Variants in PLCG2 observed in about 807,000 individuals in gnomAD.
PLCG2 encodes the protein 1-phosphatidylinositol 4,5-bisphosphate phosphodiesterase gamma-2.
A neutral mutation model predicts 175.6 loss-of-function variants in PLCG2; 69 were observed. The observed-to-expected ratio is 0.39, with a 90% CI of 0.32 to 0.48. The LOEUF (loss-of-function observed/expected upper bound fraction) is 0.48. PLCG2 is among the 20% of genes least tolerant of loss of function. PLCG2 has a pLI of 0.91. For missense variants in PLCG2, 1,798 were observed against 1,650.9 expected (o/e 1.09, Z -1.54); for synonymous variants, 827 against 624.0 (o/e 1.33, Z -4.85).
intron 3 of PLCG2, among the ~76,000 whole-genome samples, chr16:81,856,127 C>T (rs571391283): frequency 1.3e-5 from 2 of 152,226 alleles, no homozygotes; most frequent in Non-Finnish European, 2.9e-5. Context: ...TTTTGATTCA[C>T]ATTCCATCTT....
intron 2 of PLCG2, among the ~76,000 whole-genome samples, chr16:81,827,106 C>T (rs1327954309): frequency 6.6e-6 from 1 of 152,008 alleles, no homozygotes; most frequent in East Asian, 1.9e-4. Context: ...TGACCTTGCG[C>T]TGAAATAAGA....
chr16:81,778,730 G>C (rs1321900457), upstream of PLCG2, among the ~76,000 whole-genome samples: 1 of 152,194 alleles, frequency 6.6e-6, no homozygotes, highest in Non-Finnish European at 1.5e-5. Context: ...TCTGACTCCA[G>C]CGCAGCCTCA....
At chr16:81,778,036 A>AC (rs747610476), upstream of PLCG2, among the ~76,000 whole-genome samples, 13,180 of 95,730 alleles carry the variant, frequency 0.14, 1,999 homozygotes, top group African/African-American at 0.33. Flanking sequence ...AAAAAACAAA[A>AC]AAAAAACAAA....
At chr16:81,799,683 C>T (rs1438007562) in intron 2 of PLCG2, among the ~76,000 whole-genome samples, 6 of 151,314 alleles carry the variant, frequency 4.0e-5, no homozygotes, top group Non-Finnish European at 8.8e-5. Flanking sequence ...AGCTCCGCCT[C>T]CCAGGTTCAC....
chr16:81,917,910 A>G lies in PLCG2; in HGVS notation c.2055-1574A>G, dbSNP rs561321407. On this transcript the variant is annotated intron_variant, in intron 19 of 32. Coordinates refer to ENST00000564138, the MANE Select transcript of PLCG2 (RefSeq NM_002661.5). ...CTAATTTTTTGTATTTTTAGTAGAG[A>G]CGGGGTTTCACCATGTTGGCCAGGC... is the stretch of plus-strand genomic sequence containing the variant. 1.7e-4 allele frequency among the ~76,000 whole-genome samples: 26 copies of G among 152,118 alleles called. No homozygotes were observed. In the South Asian group the frequency reaches 4.4e-3, roughly 26 times the overall value.
intron 14 of PLCG2, among the ~76,000 whole-genome samples, chr16:81,902,282 C>G (rs983127623): frequency 6.6e-6 from 1 of 152,186 alleles, no homozygotes; most frequent in African/African-American, 2.4e-5. Flanking sequence ...GTATTTCAGT[C>G]TGTTCCTGCA....
At chr16:81,879,676 T>G (rs189295617) in intron 7 of PLCG2, among the ~76,000 whole-genome samples, 11 of 152,308 alleles carry the variant, frequency 7.2e-5, no homozygotes, top group Non-Finnish European at 1.3e-4. Flanking sequence ...TTTCCCTAAG[T>G]GCTTATCCAA....
intron 2 of PLCG2, among the ~76,000 whole-genome samples, chr16:81,760,455 T>A (rs1567695508): frequency 6.6e-6 from 1 of 152,152 alleles, no homozygotes; most frequent in East Asian, 1.9e-4. Context: ...TACGTCTGAC[T>A]ATGGGGCAGA....
chr16:81,820,331 C>T (rs551842486), intron 2 of PLCG2, among the ~76,000 whole-genome samples: 1 of 152,238 alleles, frequency 6.6e-6, no homozygotes, highest in African/African-American at 2.4e-5. Context: ...CCCCAGCATG[C>T]ACACTCCCTG....
rs768299957 is a variant in PLCG2, at chr16:81,956,726, G to T, written c.3602G>T (p.Arg1201Leu). ...GAAGAGGAACTTTACTCCTCCTGTC[G>T]CCAGCTGAGGAGGCGGCAAGAAGAA... is the stretch of plus-strand genomic sequence containing the variant. ...ESEEELYSSC[R>L]QLRRRQEELN... Residue 1201 changes from arginine (R) to leucine (L), a missense_variant, in exon 32 of 33, where the codon CGC becomes CTC. Arg to Leu is a moderately radical substitution (Grantham distance 102). Coordinates refer to ENST00000564138, the MANE Select transcript of PLCG2 (RefSeq NM_002661.5). 6.2e-7 allele frequency: 1 copy of T among 1,614,030 alleles called. No homozygotes were observed. The highest frequency in any genetic ancestry group is 1.1e-5 in the South Asian group (1 of 91,058).
Position 81,902,606 on chromosome 16 carries a change from T to C in PLCG2, c.1362+1826T>C, listed in dbSNP as rs374207215. 4.6e-5 allele frequency among the ~76,000 whole-genome samples: 7 copies of C among 152,086 alleles called. No individual in the cohort carries two copies. In the East Asian group the frequency reaches 1.4e-3, roughly 29 times the overall value. On this transcript the variant is annotated intron_variant, in intron 14 of 32. Transcript: ENST00000564138. ...TCATTCCCATTCACTGGAGCTCTAC[T>C]CTCATTCCCACTTATGAGAGCTCTA...
intron 2 of PLCG2, among the ~76,000 whole-genome samples, chr16:81,819,484 G>C (rs1006139900): frequency 2.0e-5 from 3 of 152,182 alleles, no homozygotes; most frequent in African/African-American, 7.2e-5. Context: ...GGACCTCCTG[G>C]CTCCTCGCCC....
chr16:81,759,279 G>T (rs919573554), intron 2 of PLCG2, among the ~76,000 whole-genome samples: 34 of 151,928 alleles, frequency 2.2e-4, no homozygotes, highest in Admixed American at 5.2e-4. Flanking sequence ...TTTGTTTTTG[G>T]TTTTTAAAGC....
intron 25 of PLCG2, among the ~76,000 whole-genome samples, chr16:81,932,121 C>T (rs1292613148): frequency 6.6e-6 from 1 of 152,138 alleles, no homozygotes; most frequent in Non-Finnish European, 1.5e-5. Flanking sequence ...GGAACTTCCC[C>T]TCTAGATGGG....
chr16:81,915,480 A>T (rs1909801647), intron 19 of PLCG2, among the ~76,000 whole-genome samples: 1 of 152,194 alleles, frequency 6.6e-6, no homozygotes, highest in Non-Finnish European at 1.5e-5. Context: ...CTCCAGGAGG[A>T]TGGAAGATGC....
At chr16:81,785,123 CGTTGGAA>C (rs1487152308) in intron 1 of PLCG2, among the ~76,000 whole-genome samples, 2 of 152,062 alleles carry the variant, frequency 1.3e-5, no homozygotes, top group African/African-American at 2.4e-5. Flanking sequence ...GGGTGAGATG[CGTTGGAA>C]GTGGTCGTGA....
chr16:81,851,548 T>A (rs1906411375), intron 2 of PLCG2, among the ~76,000 whole-genome samples: 1 of 152,210 alleles, frequency 6.6e-6, no homozygotes, highest in Non-Finnish European at 1.5e-5. Context: ...AGTCTCACTC[T>A]GTCACCCAGG....
chr16:81,844,398 C>T (rs1462582814), intron 2 of PLCG2, among the ~76,000 whole-genome samples: 1 of 152,102 alleles, frequency 6.6e-6, no homozygotes, highest in African/African-American at 2.4e-5. Flanking sequence ...TCACTGCAAC[C>T]TCTGCACCCC....
At chr16:81,746,894 G>A (rs193289250) in intron 1 of PLCG2, among the ~76,000 whole-genome samples, 56 of 152,218 alleles carry the variant, frequency 3.7e-4, no homozygotes, top group Non-Finnish European at 7.2e-4. Flanking sequence ...GAGAGCACGG[G>A]GGACTTTGTC....
Sources: allele counts gnomAD v4.1 joint callset (sites outside exome capture counted in the v4.1 genomes callset), GRCh38; gene constraint gnomAD v4.1.1; transcripts MANE v1.5; gene names NCBI Gene and HGNC (gene_info 2026-07-23, HGNC 2026-07-21).